The following MELTF variants were observed in gnomAD, a reference collection of about 807,000 sequenced individuals.
The protein encoded by MELTF is antigen p97 (melanoma associated) identified by monoclonal antibodies 133.2 and 96.5.
MELTF carries 67 observed loss-of-function variants against 83.7 expected under a neutral mutation model. The ratio of observed to expected loss-of-function variants is 0.80; its 90% CI spans 0.66 to 0.98. MELTF has a LOEUF of 0.98. Among genes scored for constraint, MELTF ranks in the 50% least tolerant of loss-of-function variants. The probability of loss-of-function intolerance (pLI) is 0.00; values close to 1 mark genes in which losing one functional copy is unlikely to be tolerated. For missense variants in MELTF, 1,002 were observed against 1,035.6 expected, an observed-to-expected ratio of 0.97 and a Z score of 0.44; for synonymous variants, 462 against 447.6, an observed-to-expected ratio of 1.03 and a Z score of -0.41.
chr3:197,007,133 G>A lies in MELTF; in HGVS notation c.1751-397C>T, dbSNP rs577566823. Among the ~76,000 whole-genome samples, 1 of 152,146 alleles carries A rather than the reference G, an allele frequency of 6.6e-6. No individual in the cohort carries two copies. The highest frequency in any genetic ancestry group is 1.5e-5 in the Non-Finnish European group (1 of 67,964). On this transcript the variant is annotated intron_variant, in intron 13 of 15. Coordinates refer to ENST00000296350, the MANE Select transcript of MELTF (RefSeq NM_005929.6). The surrounding 1 kb of genome is among the most constrained non-coding windows in gnomAD (Gnocchi z 4.3). ...TTACATCCTCAAGCCTGAGTGTGGG[G>A]TGGCTCCCTGAAGGTGGTGGGTGAT...
At chr3:197,017,688 T>C (rs988449388) in intron 6 of MELTF, among the ~76,000 whole-genome samples, 44 of 152,074 alleles carry the variant, frequency 2.9e-4, no homozygotes, top group Middle Eastern at 3.4e-3. Flanking sequence ...CCATCCTGGC[T>C]AACACGGTGA....
intron 10 of MELTF, 70 bp from the exon 11 acceptor site, chr3:197,009,882 T>C: frequency 1.5e-6 from 2 of 1,376,622 alleles, no homozygotes; most frequent in East Asian, 2.3e-5. Context: ...GGGGGGTCCT[T>C]CCTTCAAACC....
Position 197,003,228 on chromosome 3 carries a change from C to T in MELTF, c.*144G>A. ...TCAGGTAGCAGCGCCAGGTGGCGCC[C>T]GTGGGCGGCGGGGCTCCCGGGGAGG... is the stretch of plus-strand genomic sequence containing the variant. On this transcript the variant is annotated 3_prime_UTR_variant, in exon 16 of 16. Transcript: ENST00000296350. The surrounding 1 kb of genome is among the most constrained non-coding windows in gnomAD (Gnocchi z 6.2). The T allele has an allele frequency of 1.1e-6, 1 of 919,156 alleles. No homozygotes were observed. Among genetic ancestry groups the T allele is most frequent in the Admixed American group, 5.9e-5 (1 of 17,012 alleles). 56.9% of individuals were successfully genotyped at this position (919,156 alleles called of 1,614,324 possible).
rs1718853693 is a variant in MELTF, at chr3:197,003,662, G to A, written c.2138-211C>T. 1.5e-6 allele frequency: 1 copy of A among 661,146 alleles called. No individual in the cohort carries two copies. Among genetic ancestry groups the A allele is most frequent in the East Asian group, 2.8e-5 (1 of 35,456 alleles). The allele number at this position is 661,146 out of a possible 1,614,324, so 41.0% of individuals were successfully genotyped here. On this transcript the variant is annotated intron_variant, in intron 15 of 15. Coordinates refer to ENST00000296350, the MANE Select transcript of MELTF (RefSeq NM_005929.6). The surrounding 1 kb of genome is among the most constrained non-coding windows in gnomAD (Gnocchi z 6.2). ...TCTGCCGTGGCCCCAGATCCTCCCCGCGCCGCCGTTTTGAGCGTTCACACT... is the reference window on the plus strand; with the variant it reads ...TCTGCCGTGGCCCCAGATCCTCCCCACGCCGCCGTTTTGAGCGTTCACACT...
Position 197,022,855 on chromosome 3 carries a change from T to C in MELTF, c.644+102A>G, listed in dbSNP as rs1430161910. ...TGATGAGACGCAGCCAACATGCCAC[T>C]TCCCCCTCCACGGCCCTCTCTGGGC... On this transcript the variant is annotated intron_variant, in intron 5 of 15. Coordinates refer to ENST00000296350, the MANE Select transcript of MELTF (RefSeq NM_005929.6). This position sits in a 1 kb window ranked among gnomAD's most constrained non-coding sequence, Gnocchi z 5.1. 7.9e-6 allele frequency: 9 copies of C among 1,143,858 alleles called. No individual in the cohort carries two copies. Among genetic ancestry groups the C allele is most frequent in the Non-Finnish European group, 1.0e-5 (8 of 795,718 alleles). The allele number at this position is 1,143,858 out of a possible 1,614,324, so 70.9% of individuals were successfully genotyped here.
intron 9 of MELTF, among the ~76,000 whole-genome samples, chr3:197,013,630 A>G (rs1165761795): frequency 6.6e-6 from 1 of 152,270 alleles, no homozygotes; most frequent in Non-Finnish European, 1.5e-5. Flanking sequence ...CTCATCCAAC[A>G]GGGGATTAAT....
intron 3 of MELTF, chr3:197,026,382 C>G (rs934833173): frequency 9.1e-6 from 4 of 439,220 alleles, no homozygotes; most frequent in Non-Finnish European, 1.7e-5. Flanking sequence ...GGCACCACGC[C>G]AGGCCCGGGA....
At position 197,009,068 on chromosome 3, in the gene MELTF, ACACTGCAAGGC is replaced by A. The variant is rs567220834; in HGVS notation, c.1526-114_1526-104del. 1,797 of 1,386,270 alleles carry A rather than the reference ACACTGCAAGGC, an allele frequency of 1.3e-3. 3 individuals are homozygous for A. Among genetic ancestry groups the A allele is most frequent in the Non-Finnish European group, 1.4e-3 (1,437 of 1,001,800 alleles). The allele number at this position is 1,386,270 out of a possible 1,614,324, so 85.9% of individuals were successfully genotyped here. A position where few individuals can be genotyped will look rare whatever the true frequency, so the allele number is the denominator to read the frequency against. ...CAGGTCTGCCCACCCCCCGGATCCT[ACACTGCAAGGC>A]CACCTGTCTGCTCCGCTCCCCTCAG... On this transcript the variant is annotated intron_variant, in intron 11 of 15. Transcript: ENST00000296350.
At chr3:197,014,788 T>C (rs1719301274) in intron 9 of MELTF, among the ~76,000 whole-genome samples, 1 of 152,222 alleles carries the variant, frequency 6.6e-6, no homozygotes, top group African/African-American at 2.4e-5. Context: ...CGATATTGCA[T>C]GTTCTCCACA....
Position 197,011,773 on chromosome 3 carries a change from C to A in MELTF, c.1234-979G>T, listed in dbSNP as rs977579818. On this transcript the variant is annotated intron_variant, in intron 9 of 15. Coordinates refer to ENST00000296350, the MANE Select transcript of MELTF (RefSeq NM_005929.6). This position sits in a 1 kb window ranked among gnomAD's most constrained non-coding sequence, Gnocchi z 4.2. Reference sequence around the variant, plus strand: ...GGCAGGAATGGGTGTTACAGCCACACTGGACTCCTCTCTGAGAACCTCAGA... The same window carrying A: ...GGCAGGAATGGGTGTTACAGCCACAATGGACTCCTCTCTGAGAACCTCAGA... Among the ~76,000 whole-genome samples, 1 of 152,174 alleles carries A rather than the reference C, an allele frequency of 6.6e-6. No homozygotes were observed. Among genetic ancestry groups the A allele is most frequent in the African/African-American group, 2.4e-5 (1 of 41,432 alleles).
intron 9 of MELTF, 44 bp from the exon 10 acceptor site, chr3:197,010,838 A>T: frequency 6.4e-7 from 1 of 1,553,504 alleles, no homozygotes; most frequent in African/African-American, 1.4e-5. Flanking sequence ...TGGGCCCAGG[A>T]TGGCTCTGGA....
intron 6 of MELTF, among the ~76,000 whole-genome samples, chr3:197,017,643 C>T (rs1044548725): frequency 4.0e-5 from 6 of 151,872 alleles, no homozygotes; most frequent in Non-Finnish European, 7.4e-5. Flanking sequence ...TTTGGGAGGC[C>T]GAGGTGGGCG....
chr3:197,009,021 A>G (rs1719085047), intron 11 of MELTF, 56 bp from the exon 12 acceptor site: 2 of 1,602,066 alleles, frequency 1.2e-6, no homozygotes, highest in East Asian at 2.2e-5. Context: ...TGTGGGAGGG[A>G]GCTGGGCGGG....
At position 197,008,921 on chromosome 3, in the gene MELTF, G is replaced by C; in HGVS notation, c.1570C>G (p.Pro524Ala). Residue 524 changes from proline (P) to alanine (A), a missense_variant, in exon 12 of 16, where the codon CCC (proline) becomes GCC (alanine). Coordinates refer to ENST00000296350, the MANE Select transcript of MELTF (RefSeq NM_005929.6). This position sits in a 1 kb window ranked among gnomAD's most constrained non-coding sequence, Gnocchi z 5.4. ...FNASCVPVNNPKNYPSSLCAL... is the reference protein window; with the variant it reads ...FNASCVPVNNAKNYPSSLCAL... ...CACAGCGAGGAGGGGTAGTTCTTGG[G>C]GTTGTTCACGGGCACGCAGCTGGCA... The C allele has an allele frequency of 6.2e-7, 1 of 1,614,114 alleles. No individual in the cohort carries two copies. The highest frequency in any genetic ancestry group is 8.5e-7 in the Non-Finnish European group (1 of 1,179,984).
At chr3:197,023,221 T>C in intron 4 of MELTF, 108 bp from the exon 5 acceptor site, 1 of 1,112,588 alleles carries the variant, frequency 9.0e-7, no homozygotes, top group Non-Finnish European at 1.3e-6. Context: ...CTGCTGAGAA[T>C]GGTTCCACCT....
chr3:197,001,982 A>G lies in MELTF; in HGVS notation c.*1390T>C, dbSNP rs1264234780. ...AACTCCCTTTTGAAAAAACCAAGCA[A>G]TCGTCAGGTCGGAGGAGAATCACTA... On this transcript the variant is annotated 3_prime_UTR_variant, in exon 16 of 16. Transcript: ENST00000296350. The G allele has an allele frequency of 6.6e-6, 1 of 152,028 alleles. No individual in the cohort carries two copies. Among genetic ancestry groups the G allele is most frequent in the African/African-American group, 2.4e-5 (1 of 41,410 alleles). The allele number at this position is 152,028 out of a possible 1,614,324, so 9.4% of individuals were successfully genotyped here.
Position 197,008,738 on chromosome 3 carries a change from G to A in MELTF, c.1683-14C>T, listed in dbSNP as rs1719066049. On this transcript the variant is annotated splice_polypyrimidine_tract_variant and intron_variant, in intron 12 of 15. Coordinates refer to ENST00000296350, the MANE Select transcript of MELTF (RefSeq NM_005929.6). The surrounding 1 kb of genome is among the most constrained non-coding windows in gnomAD (Gnocchi z 5.4). ...TCCACCAGGCACCTGCCACACAGAGGGCAGGGCAGGCGTCGGCAGGAGGGT... is the reference window on the plus strand; with the variant it reads ...TCCACCAGGCACCTGCCACACAGAGAGCAGGGCAGGCGTCGGCAGGAGGGT... The A allele has an allele frequency of 2.5e-6, 4 of 1,614,012 alleles. No individual in the cohort carries two copies. The highest frequency in any genetic ancestry group is 1.1e-5 in the South Asian group (1 of 91,066).
At chr3:197,018,040 C>T (rs1486267223) in intron 6 of MELTF, among the ~76,000 whole-genome samples, 1 of 152,236 alleles carries the variant, frequency 6.6e-6, no homozygotes, top group African/African-American at 2.4e-5. Flanking sequence ...AATCTACCCA[C>T]CCCAGGACTA....
rs1342525695 is a variant in MELTF, at chr3:197,022,907, G to A, written c.644+50C>T. ...AAGGTGTTTTTCCCCAGCATTTGTG[G>A]CCTCAGCTCCTCCCTGCCCTCGGCC... On this transcript the variant is annotated intron_variant, in intron 5 of 15. Transcript: ENST00000296350. The surrounding 1 kb of genome is among the most constrained non-coding windows in gnomAD (Gnocchi z 5.1). 2.6e-6 allele frequency: 4 copies of A among 1,540,738 alleles called. No homozygotes were observed. Among genetic ancestry groups the A allele is most frequent in the Admixed American group, 2.1e-5 (1 of 47,524 alleles).
Sources: allele counts gnomAD v4.1 joint callset (sites outside exome capture counted in the v4.1 genomes callset), GRCh38; gene constraint gnomAD v4.1.1; non-coding constraint Gnocchi (gnomAD v3.1); transcripts MANE v1.5; gene names NCBI Gene and HGNC (gene_info 2026-07-23, HGNC 2026-07-21).